Variants in MGAT5 observed in about 807,000 individuals in gnomAD.
The protein encoded by MGAT5 is alpha-1,6-mannosylglycoprotein 6-beta-N-acetylglucosaminyltransferase A.
Under a neutral mutation model 94.3 loss-of-function variants are expected in MGAT5, and 30 were observed. That is an observed-to-expected ratio of 0.32 (90% confidence interval 0.24 to 0.43). MGAT5 has a LOEUF of 0.43. MGAT5 is among the 20% of genes least tolerant of loss of function. The probability of loss-of-function intolerance (pLI) is 1.00; values close to 1 mark genes in which losing one functional copy is unlikely to be tolerated. For synonymous variants in MGAT5, 310 were observed against 322.9 expected (o/e 0.96, Z 0.43); for missense variants, 691 against 905.5 (o/e 0.76, Z 3.04).
At chr2:134,386,340 G>A (rs368346148) in intron 10 of MGAT5, among the ~76,000 whole-genome samples, 9 of 152,112 alleles carry the variant, frequency 5.9e-5, no homozygotes, top group Admixed American at 1.3e-4. Context: ...TAAAATTTCC[G>A]GTAGTCAGAA....
rs535873544 is a variant in MGAT5 at position 134,278,464 on chromosome 2, G to A, written c.406+7914G>A. On this transcript the variant is annotated intron_variant, in intron 2 of 15. Transcript: ENST00000281923. ...ATTCATGATCCAGTCAGAGTGACCAGTATCATGTTCCATCCTGATTGGCTA... is the reference window on the plus strand; with the variant it reads ...ATTCATGATCCAGTCAGAGTGACCAATATCATGTTCCATCCTGATTGGCTA... Among the ~76,000 whole-genome samples the A allele has an allele frequency of 3.9e-5, 6 of 152,306 alleles. No homozygotes were observed. The East Asian group carries it at 1.2e-3, about 29-fold the overall frequency.
At chr2:134,148,759 G>GTTTTTT (rs748584511) in intron 1 of MGAT5, among the ~76,000 whole-genome samples, 32 of 118,720 alleles carry the variant, frequency 2.7e-4, no homozygotes, top group African/African-American at 5.3e-4. Flanking sequence ...TCTTTCTTAG[G>GTTTTTT]TTTTTTTTTT....
chr2:134,341,453 A>G (rs1473747785), intron 6 of MGAT5, 137 bp from the exon 7 acceptor site: 9 of 694,720 alleles, frequency 1.3e-5, no homozygotes, highest in South Asian at 2.5e-5. Context: ...TACCTTCTAG[A>G]AAAACAGCAT....
chr2:134,240,846 G>C lies in MGAT5; in HGVS notation c.-142-13416G>C, dbSNP rs60404920. Among the ~76,000 whole-genome samples, 1,119 of 152,252 alleles carry C rather than the reference G, an allele frequency of 7.3e-3. 12 individuals carry two copies. Among genetic ancestry groups the C allele is most frequent in the African/African-American group, 0.025 (1,059 of 41,544 alleles). On this transcript the variant is annotated intron_variant, in intron 1 of 16. Transcript: ENST00000409645. ...TTCATACACCTGCAGTGTGTTATTT[G>C]TGGAGAAATGCTTTCAAATAGCTGC...
At chr2:134,257,378 C>T (rs563334795) in intron 1 of MGAT5, among the ~76,000 whole-genome samples, 1 of 152,072 alleles carries the variant, frequency 6.6e-6, no homozygotes, top group Non-Finnish European at 1.5e-5. Flanking sequence ...CACACCACCA[C>T]GCCTGCCTAA....
At chr2:134,232,060 G>A (rs1681396575) in intron 1 of MGAT5, among the ~76,000 whole-genome samples, 1 of 148,518 alleles carries the variant, frequency 6.7e-6, no homozygotes, top group Non-Finnish European at 1.5e-5. Context: ...TGCCCAAGCT[G>A]GAAGCCTAGT....
chr2:134,408,096 C>G (rs554135804), intron 11 of MGAT5, among the ~76,000 whole-genome samples: 7 of 152,256 alleles, frequency 4.6e-5, no homozygotes, highest in Non-Finnish European at 7.3e-5. Context: ...AATGAAGCAG[C>G]CACTGAGGCT....
At chr2:134,209,129 T>C (rs1164002158) in intron 1 of MGAT5, among the ~76,000 whole-genome samples, 1 of 149,620 alleles carries the variant, frequency 6.7e-6, no homozygotes, top group Non-Finnish European at 1.5e-5. Context: ...GGATTGTATA[T>C]AGAACTGGCT....
chr2:134,139,052 C>T (rs1181091502), intron 1 of MGAT5, among the ~76,000 whole-genome samples: 1 of 152,160 alleles, frequency 6.6e-6, no homozygotes, highest in Non-Finnish European at 1.5e-5. Flanking sequence ...GAGTTCTGCT[C>T]TAAGAATACA....
chr2:134,440,349 G>T (rs953691700), intron 14 of MGAT5, among the ~76,000 whole-genome samples: 1 of 152,164 alleles, frequency 6.6e-6, no homozygotes, highest in Non-Finnish European at 1.5e-5. Context: ...TCCTGGTCGG[G>T]CCCACTGTCT....
intron 1 of MGAT5, among the ~76,000 whole-genome samples, chr2:134,182,453 C>G (rs1010978449): frequency 3.9e-5 from 6 of 152,164 alleles, no homozygotes; most frequent in African/African-American, 1.4e-4. Context: ...CCATGATGGT[C>G]TTTGTGAGAG....
intron 14 of MGAT5, among the ~76,000 whole-genome samples, chr2:134,430,429 C>T (rs957817803): frequency 3.9e-5 from 6 of 152,188 alleles, no homozygotes; most frequent in African/African-American, 1.4e-4. Flanking sequence ...CTCCATAATG[C>T]AGAGGCTCCA....
At chr2:134,304,002 A>G (rs1686182914) in intron 2 of MGAT5, among the ~76,000 whole-genome samples, 1 of 152,138 alleles carries the variant, frequency 6.6e-6, no homozygotes, top group Non-Finnish European at 1.5e-5. Context: ...TTAGTGTCAT[A>G]TTGTAAGTGT....
At chr2:134,284,673 A>G (rs1156753563) in intron 2 of MGAT5, among the ~76,000 whole-genome samples, 1 of 152,128 alleles carries the variant, frequency 6.6e-6, no homozygotes, top group Non-Finnish European at 1.5e-5. Flanking sequence ...TTCTTTCCTC[A>G]GAGCAAACCT....
intron 10 of MGAT5, among the ~76,000 whole-genome samples, chr2:134,389,729 A>T (rs1238192133): frequency 1.3e-5 from 2 of 152,216 alleles, no homozygotes; most frequent in East Asian, 3.8e-4. Context: ...GAGTACTTGT[A>T]TTCTTGCCTA....
intron 11 of MGAT5, 95 bp from the exon 12 acceptor site, chr2:134,412,774 G>A: frequency 6.7e-7 from 1 of 1,496,302 alleles, no homozygotes. Context: ...CACGGGAATG[G>A]GCCACAGAAT....
chr2:134,272,647 AC>A (rs1429516435), intron 2 of MGAT5, among the ~76,000 whole-genome samples: 1 of 151,954 alleles, frequency 6.6e-6, no homozygotes, highest in Non-Finnish European at 1.5e-5. Flanking sequence ...CCTCTGCCTG[AC>A]CCTCCAATGT....
intron 1 of MGAT5, among the ~76,000 whole-genome samples, chr2:134,152,899 C>CTTTTTT (rs35135371): frequency 7.7e-5 from 9 of 117,272 alleles, no homozygotes; most frequent in South Asian, 5.4e-4. Context: ...ATGGAGTCCA[C>CTTTTTT]TTTTTTTTTT....
At chr2:134,174,193 A>C (rs1688352793) in intron 1 of MGAT5, among the ~76,000 whole-genome samples, 1 of 152,250 alleles carries the variant, frequency 6.6e-6, no homozygotes, top group African/African-American at 2.4e-5. Context: ...GTGTCTGGTC[A>C]TTTATGTCCT....
Sources: gnomAD v4.1 joint callset for allele counts (sites outside exome capture counted in the v4.1 genomes callset) on GRCh38, gnomAD v4.1.1 for gene constraint, MANE v1.5 for transcripts, NCBI Gene and HGNC (gene_info 2026-07-23, HGNC 2026-07-21) for gene names.